The following CLIC5 variants were observed in gnomAD, a reference collection of about 807,000 sequenced individuals.
The protein encoded by CLIC5 is CLIC family member 5.
In CLIC5, 20 loss-of-function variants were observed where a neutral mutation model predicts 24.7. The observed-to-expected ratio is 0.81, with a 90% CI of 0.57 to 1.18. CLIC5 has a LOEUF of 1.18. CLIC5 is among the 50% of genes most tolerant of loss of function. The pLI is 0.00. For synonymous variants in CLIC5, 159 were observed against 135.6 expected (o/e 1.17, Z -1.20); for missense variants, 341 against 326.1 (o/e 1.05, Z -0.35).
Position 46,012,613 on chromosome 6 carries a change from A to T in CLIC5, c.63+2867T>A, listed in dbSNP as rs578144437. On this transcript the variant is annotated intron_variant, in intron 1 of 5. Transcript: ENST00000339561. Reference sequence around the variant, plus strand: ...GGCAAAATAAGGTATCAGGCCTGACATATAGGTATTTGGAAAAGAGCAAGA... The same window carrying T: ...GGCAAAATAAGGTATCAGGCCTGACTTATAGGTATTTGGAAAAGAGCAAGA... Among the ~76,000 whole-genome samples, 48 of 152,362 alleles carry T rather than the reference A, an allele frequency of 3.2e-4. 1 individual carries two copies. In the South Asian group the frequency reaches 9.5e-3, roughly 30 times the overall value.
At chr6:46,105,171 T>C in the CLIC5 span, among the ~76,000 whole-genome samples, 1 of 152,192 alleles carries the variant, frequency 6.6e-6, no homozygotes. Flanking sequence ...TTGTGGCTAA[T>C]AAAACTCCTT....
the CLIC5 span, among the ~76,000 whole-genome samples, chr6:46,100,043 A>G: frequency 6.6e-6 from 1 of 151,962 alleles, no homozygotes; most frequent in Non-Finnish European, 1.5e-5. Flanking sequence ...ATTGCCAACC[A>G]GTTTTCTTCT....
At chr6:46,120,481 A>G in the CLIC5 span, among the ~76,000 whole-genome samples, 1 of 152,302 alleles carries the variant, frequency 6.6e-6, no homozygotes, top group East Asian at 1.9e-4. Context: ...AAAGATGGGG[A>G]AAAAACAGAA....
chr6:45,946,539 G>T (rs1764294431), intron 3 of CLIC5, among the ~76,000 whole-genome samples: 1 of 152,188 alleles, frequency 6.6e-6, no homozygotes, highest in Non-Finnish European at 1.5e-5. Flanking sequence ...ACACATGGCC[G>T]ACCAGCGCTT....
At chr6:45,958,441 T>TATATACACACACACACACACAC (rs1278907089) in intron 1 of CLIC5, among the ~76,000 whole-genome samples, 960 of 17,930 alleles carry the variant, frequency 0.054, 117 homozygotes, top group Non-Finnish European at 0.085. Context: ...TATATATATA[T>TATATACACACACACACACACAC]ATATATATAT....
intron 6 of CLIC5, among the ~76,000 whole-genome samples, chr6:45,889,009 AC>A (rs1324701601): frequency 6.6e-6 from 1 of 152,210 alleles, no homozygotes; most frequent in Non-Finnish European, 1.5e-5. Context: ...AGGAATATCT[AC>A]ACTATGGAGT....
At chr6:46,122,529 G>T in the CLIC5 span, among the ~76,000 whole-genome samples, 1 of 152,110 alleles carries the variant, frequency 6.6e-6, no homozygotes, top group East Asian at 1.9e-4. Flanking sequence ...AACTAGAGAA[G>T]AAAGAGCAGA....
At chr6:45,894,578 A>G (rs990150461), downstream of CLIC5, among the ~76,000 whole-genome samples, 1 of 152,220 alleles carries the variant, frequency 6.6e-6, no homozygotes, top group African/African-American at 2.4e-5. Context: ...GGCTAATGAT[A>G]ATTCTCAAAA....
chr6:45,982,195 G>T (rs1176770019), intron 1 of CLIC5, among the ~76,000 whole-genome samples: 1 of 151,958 alleles, frequency 6.6e-6, no homozygotes, highest in Non-Finnish European at 1.5e-5. Context: ...ACAAACCTTG[G>T]ACACCTAACC....
the CLIC5 span, among the ~76,000 whole-genome samples, chr6:46,114,815 G>T: frequency 3.9e-5 from 6 of 152,182 alleles, no homozygotes; most frequent in African/African-American, 1.4e-4. Context: ...GAGAGGTCCT[G>T]CATGTGTCTG....
upstream of CLIC5, among the ~76,000 whole-genome samples, chr6:46,083,097 C>T (rs537186928): frequency 7.2e-4 from 110 of 152,324 alleles, no homozygotes; most frequent in Admixed American, 1.4e-3. Context: ...CCTATTTTTT[C>T]ACGTTGCTAT....
chr6:45,925,064 A>G (rs1763425687), intron 4 of CLIC5, among the ~76,000 whole-genome samples: 1 of 152,184 alleles, frequency 6.6e-6, no homozygotes, highest in African/African-American at 2.4e-5. Context: ...TCTTTCAGCA[A>G]CTACATTTGC....
chr6:46,080,140 C>T, exon 1 of CLIC5: 1 of 1,551,644 alleles, frequency 6.4e-7, no homozygotes, highest in Non-Finnish European at 8.7e-7. Flanking sequence ...TCATGGACAT[C>T]ATCATAATGG....
At chr6:45,967,359 A>T (rs988777730) in intron 1 of CLIC5, among the ~76,000 whole-genome samples, 1 of 152,256 alleles carries the variant, frequency 6.6e-6, no homozygotes, top group African/African-American at 2.4e-5. Flanking sequence ...AGGTAAAGAC[A>T]TGATGGCCAG....
At chr6:45,960,667 C>T (rs1764815801) in intron 1 of CLIC5, among the ~76,000 whole-genome samples, 2 of 152,216 alleles carry the variant, frequency 1.3e-5, no homozygotes, top group Non-Finnish European at 2.9e-5. Flanking sequence ...GTCCAGCCGG[C>T]CTATGGCCAG....
Position 45,949,363 on chromosome 6 carries a change from G to A in CLIC5, c.192C>T (p.His64=), listed in dbSNP as rs770346363. The A allele has an allele frequency of 8.1e-6, 13 of 1,613,606 alleles. No homozygotes were observed. The Admixed American group carries it at 2.2e-4, about 27-fold the overall frequency. Residue 64 remains histidine, a synonymous_variant, in exon 3 of 6, where the codon CAC becomes CAT. Coordinates refer to ENST00000339561, the MANE Select transcript of CLIC5 (RefSeq NM_016929.5). ...GCGGGTGCGTGCCGGGGGCTAGGTT[G>A]TGCAGGTCAGCTGGCTTTCTGTAGA... The part of the protein sequence containing the change: ...VDLKRKPADL[H]NLAPGTHPPF...
intron 1 of CLIC5, among the ~76,000 whole-genome samples, chr6:46,048,434 AG>A (rs879643067): frequency 5.9e-5 from 9 of 152,156 alleles, no homozygotes; most frequent in Non-Finnish European, 5.9e-5. Flanking sequence ...GAAGATTTTC[AG>A]GCTTGACTCT....
chr6:45,951,744 G>T (rs1446738882), intron 2 of CLIC5, among the ~76,000 whole-genome samples: 1 of 152,118 alleles, frequency 6.6e-6, no homozygotes, highest in East Asian at 1.9e-4. Flanking sequence ...GGAGTCGGGA[G>T]TGGAAAACAT....
intron 4 of CLIC5, among the ~76,000 whole-genome samples, chr6:45,933,198 GCTAAT>G (rs1763809762): frequency 1.3e-5 from 2 of 152,270 alleles, no homozygotes; most frequent in South Asian, 2.1e-4. Flanking sequence ...GACCTGTGTG[GCTAAT>G]GGCCACTTTT....
Sources: allele counts gnomAD v4.1 joint callset (sites outside exome capture counted in the v4.1 genomes callset), GRCh38; gene constraint gnomAD v4.1.1; transcripts MANE v1.5; gene names NCBI Gene and HGNC (gene_info 2026-07-23, HGNC 2026-07-21).